The following INPP5A variants were observed in gnomAD, a reference collection of about 807,000 sequenced individuals.
INPP5A encodes the protein 43 kDa inositol polyphosphate 5-phophatase.
INPP5A carries 14 observed loss-of-function variants against 65.2 expected under a neutral mutation model. The ratio of observed to expected loss-of-function variants is 0.21; its 90% CI spans 0.14 to 0.34. The LOEUF (loss-of-function observed/expected upper bound fraction) is 0.34. Ranked by LOEUF, INPP5A falls within the 10% of genes least tolerant of loss-of-function variation. The pLI, the probability that INPP5A is intolerant of heterozygous loss-of-function variation, is 1.00. For synonymous variants in INPP5A, 207 were observed against 208.3 expected (o/e 0.99, Z 0.05); for missense variants, 431 against 545.6 (o/e 0.79, Z 2.09).
chr10:132,600,211 G>C (rs2071757876), intron 1 of INPP5A, among the ~76,000 whole-genome samples: 1 of 152,148 alleles, frequency 6.6e-6, no homozygotes, highest in Admixed American at 6.5e-5. Flanking sequence ...GCTTCCCTTA[G>C]AAAACTGAAT....
rs1355884396 is a variant in INPP5A at position 132,550,997 on chromosome 10, C to T, written c.75+12826C>T. Among the ~76,000 whole-genome samples the T allele has an allele frequency of 6.6e-6, 1 of 152,196 alleles. No individual in the cohort carries two copies. Among genetic ancestry groups the T allele is most frequent in the African/African-American group, 2.4e-5 (1 of 41,444 alleles). On this transcript the variant is annotated intron_variant, in intron 1 of 15. Coordinates refer to ENST00000368594, the MANE Select transcript of INPP5A (RefSeq NM_005539.5). The surrounding 1 kb of genome is among the most constrained non-coding windows in gnomAD (Gnocchi z 4.2). ...TCTGCAGGCCACCTGGAAAGGGGTC[C>T]ACCTGAAAGGGGCTGCACTGTGGTC...
In INPP5A at chr10:132,727,669, C is replaced by T. The variant is rs115039480; in HGVS notation, c.732+764C>T. ...AATGGTGGAGCACCTGTTGCCCACCCGCCCTGGCCCTGCTGCCCTCACCCT... is the reference window on the plus strand; with the variant it reads ...AATGGTGGAGCACCTGTTGCCCACCTGCCCTGGCCCTGCTGCCCTCACCCT... On this transcript the variant is annotated intron_variant, in intron 9 of 15. Transcript: ENST00000368594. This position sits in a 1 kb window ranked among gnomAD's most constrained non-coding sequence, Gnocchi z 6.5. 1.6e-3 allele frequency among the ~76,000 whole-genome samples: 247 copies of T among 152,304 alleles called. No individual in the cohort carries two copies. Among genetic ancestry groups the T allele is most frequent in the African/African-American group, 5.6e-3 (232 of 41,558 alleles).
At chr10:132,721,265 G>GATAGCT (rs1317118867) in intron 8 of INPP5A, among the ~76,000 whole-genome samples, 2 of 150,494 alleles carry the variant, frequency 1.3e-5, no homozygotes, top group Non-Finnish European at 3.0e-5. Flanking sequence ...GGGCACCTTA[G>GATAGCT]ATAGCTGTCT....
At chr10:132,653,313 C>A (rs1198516793) in intron 4 of INPP5A, among the ~76,000 whole-genome samples, 1 of 152,058 alleles carries the variant, frequency 6.6e-6, no homozygotes, top group Admixed American at 6.6e-5. Flanking sequence ...TTCAGGCCCC[C>A]GAGGGCTGCG....
chr10:132,744,539 T>C (rs1846333608), intron 9 of INPP5A, among the ~76,000 whole-genome samples: 1 of 152,198 alleles, frequency 6.6e-6, no homozygotes, highest in African/African-American at 2.4e-5. Flanking sequence ...CCGGCTCCTT[T>C]AGGGGGTCTC....
chr10:132,782,185 A>G lies in INPP5A; in HGVS notation c.*156A>G. 8.5e-7 allele frequency: 1 copy of G among 1,176,628 alleles called. No individual in the cohort carries two copies. The highest frequency in any genetic ancestry group is 1.3e-5 in the South Asian group (1 of 75,918). 72.9% of individuals were successfully genotyped at this position (1,176,628 alleles called of 1,614,324 possible). A position where few individuals can be genotyped will look rare whatever the true frequency, so the allele number is the denominator to read the frequency against. On this transcript the variant is annotated 3_prime_UTR_variant, in exon 16 of 16. Transcript: ENST00000368594. The surrounding 1 kb of genome is among the most constrained non-coding windows in gnomAD (Gnocchi z 4.4). ...CACACTTCGCTTCAGCCTCCGGACC[A>G]TTCCGGAGCAGCCTCACATACCTCA... is the stretch of plus-strand genomic sequence containing the variant.
chr10:132,650,055 T>G lies in INPP5A; in HGVS notation c.219-363T>G, dbSNP rs1196410178. Among the ~76,000 whole-genome samples, 1 of 152,114 alleles carries G rather than the reference T, an allele frequency of 6.6e-6. No individual in the cohort carries two copies. Among genetic ancestry groups the G allele is most frequent in the Non-Finnish European group, 1.5e-5 (1 of 68,002 alleles). The stretch of plus-strand genomic sequence containing the variant: ...TGGTGGCTACTGGGGGTCCAATTTC[T>G]CTCTTAAGACCAAGCGTGAGCTATC... On this transcript the variant is annotated intron_variant, in intron 3 of 15. Transcript: ENST00000368594. This position sits in a 1 kb window ranked among gnomAD's most constrained non-coding sequence, Gnocchi z 5.5.
At chr10:132,701,567 C>T (rs747218242) in intron 6 of INPP5A, among the ~76,000 whole-genome samples, 4 of 152,258 alleles carry the variant, frequency 2.6e-5, no homozygotes, top group Non-Finnish European at 5.9e-5. Flanking sequence ...TGAGCGTTGG[C>T]TGAGGCCCCA....
rs140800462 is a variant in INPP5A, at chr10:132,663,379, G to A, written c.306+12874G>A. Reference sequence around the variant, plus strand: ...TGAGGATACAGGTGTGCATCACCACGCCTGGCTAAAAAAAAACTGTTTATA... The same window carrying A: ...TGAGGATACAGGTGTGCATCACCACACCTGGCTAAAAAAAAACTGTTTATA... On this transcript the variant is annotated intron_variant, in intron 4 of 15. Transcript: ENST00000368594. The surrounding 1 kb of genome is among the most constrained non-coding windows in gnomAD (Gnocchi z 4.5). 3.3e-5 allele frequency among the ~76,000 whole-genome samples: 5 copies of A among 151,956 alleles called. No individual in the cohort carries two copies. Among genetic ancestry groups the A allele is most frequent in the Admixed American group, 6.5e-5 (1 of 15,272 alleles).
At chr10:132,636,163 A>ATATGTG (rs3220223) in intron 2 of INPP5A, among the ~76,000 whole-genome samples, 1 of 149,614 alleles carries the variant, frequency 6.7e-6, no homozygotes, top group Non-Finnish European at 1.5e-5. Context: ...GATAAACAAA[A>ATATGTG]TGTGTGTGTG....
intron 1 of INPP5A, among the ~76,000 whole-genome samples, chr10:132,592,509 G>A (rs1016513239): frequency 1.4e-4 from 22 of 152,244 alleles, no homozygotes; most frequent in Admixed American, 1.0e-3. Flanking sequence ...TCCGCCTCCC[G>A]GGTTCAAGTG....
At chr10:132,576,807 C>A (rs1194316603) in intron 1 of INPP5A, among the ~76,000 whole-genome samples, 1 of 152,206 alleles carries the variant, frequency 6.6e-6, no homozygotes, top group African/African-American at 2.4e-5. Flanking sequence ...GGGAGAGTCC[C>A]CAGCTGGGAT....
chr10:132,659,781 C>T lies in INPP5A; in HGVS notation c.306+9276C>T, dbSNP rs1478027741. 6.6e-6 allele frequency among the ~76,000 whole-genome samples: 1 copy of T among 152,252 alleles called. No individual in the cohort carries two copies. The highest frequency in any genetic ancestry group is 2.4e-5 in the African/African-American group (1 of 41,468). On this transcript the variant is annotated intron_variant, in intron 4 of 15. Transcript: ENST00000368594. This position sits in a 1 kb window ranked among gnomAD's most constrained non-coding sequence, Gnocchi z 5.5. ...ACTGTCCCGAGTCAGGTCTGCACGG[C>T]TTCATGGCTGCCTGCCCTGGGAGGT...
At chr10:132,691,881 T>C (rs1248328143) in intron 5 of INPP5A, among the ~76,000 whole-genome samples, 2 of 143,486 alleles carry the variant, frequency 1.4e-5, no homozygotes, top group East Asian at 2.0e-4. Flanking sequence ...GGGAGACGTG[T>C]GGTCGCGGGA....
chr10:132,718,740 G>C (rs1845796392), intron 8 of INPP5A, among the ~76,000 whole-genome samples: 1 of 149,676 alleles, frequency 6.7e-6, no homozygotes, highest in Non-Finnish European at 1.5e-5. Context: ...CCTGGGTTCT[G>C]TCTGGGCACC....
intron 6 of INPP5A, among the ~76,000 whole-genome samples, chr10:132,703,346 C>T (rs1429589203): frequency 1.3e-5 from 2 of 152,112 alleles, no homozygotes; most frequent in African/African-American, 2.4e-5. Context: ...TCTCACCCGC[C>T]AGCCGCAGGC....
chr10:132,717,581 C>T (rs1351705771), intron 8 of INPP5A, among the ~76,000 whole-genome samples: 4 of 150,500 alleles, frequency 2.7e-5, no homozygotes, highest in African/African-American at 1.0e-4. Flanking sequence ...CCTTAGACGG[C>T]TGTCTTGTGG....
chr10:132,724,560 G>A (rs1845950425), intron 8 of INPP5A, among the ~76,000 whole-genome samples: 1 of 152,152 alleles, frequency 6.6e-6, no homozygotes, highest in South Asian at 2.1e-4. Context: ...CCACAGACGG[G>A]GGTTACTCAA....
chr10:132,593,803 G>C (rs1240471295), intron 1 of INPP5A, among the ~76,000 whole-genome samples: 2 of 152,054 alleles, frequency 1.3e-5, no homozygotes, highest in African/African-American at 4.8e-5. Context: ...GATGTTCTCT[G>C]GGCTTCGTGG....
Sources: gnomAD v4.1 joint callset for allele counts (sites outside exome capture counted in the v4.1 genomes callset) on GRCh38, gnomAD v4.1.1 for gene constraint, Gnocchi (gnomAD v3.1) non-coding constraint, MANE v1.5 for transcripts, NCBI Gene and HGNC (gene_info 2026-07-23, HGNC 2026-07-21) for gene names.